The following GARNL3 variants were observed in gnomAD, a reference collection of about 807,000 sequenced individuals.
The protein encoded by GARNL3 is GTPase-activating Rap/Ran-GAP domain-like protein 3.
A neutral mutation model predicts 125.0 loss-of-function variants in GARNL3; 63 were observed. The ratio of observed to expected loss-of-function variants is 0.50; its 90% CI spans 0.41 to 0.62. The LOEUF is 0.62. Ranked by LOEUF, GARNL3 falls within the 20% of genes least tolerant of loss-of-function variation. The probability of loss-of-function intolerance (pLI) is 0.00; values close to 1 mark genes in which losing one functional copy is unlikely to be tolerated. For synonymous variants in GARNL3, 439 were observed against 457.5 expected (o/e 0.96, Z 0.52); for missense variants, 994 against 1,244.0 (o/e 0.80, Z 3.02).
At chr9:127,332,175 T>C in intron 7 of GARNL3, 99 bp from the exon 8 acceptor site, 1 of 808,930 alleles carries the variant, frequency 1.2e-6, no homozygotes, top group South Asian at 1.5e-5. Context: ...CTGTCCATCC[T>C]GGTGACTGCC....
chr9:127,296,149 G>GGTAATATAAGT (rs992877928), intron 2 of GARNL3, among the ~76,000 whole-genome samples: 13 of 152,238 alleles, frequency 8.5e-5, no homozygotes, highest in African/African-American at 3.1e-4. Context: ...GAGCTCAGGT[G>GGTAATATAAGT]GTAATATAAG....
rs7046168 is a variant in GARNL3 at position 127,364,805 on chromosome 9, C to G, written c.2095-495C>G. 1,364 of 154,240 alleles carry G rather than the reference C, an allele frequency of 8.8e-3. 9 individuals carry two copies. Among genetic ancestry groups the G allele is most frequent in the Non-Finnish European group, 0.014 (1,007 of 69,462 alleles). 9.6% of individuals were successfully genotyped at this position (154,240 alleles called of 1,614,324 possible). On this transcript the variant is annotated intron_variant, in intron 21 of 27. Transcript: ENST00000373387. This position sits in a 1 kb window ranked among gnomAD's most constrained non-coding sequence, Gnocchi z 4.2. The stretch of plus-strand genomic sequence containing the variant: ...CGAGAGCGGTAAGGTTGAAAGAGAA[C>G]CAGAACATTAGTTCAGATGTTGGCT...
chr9:127,313,248 C>A, intron 3 of GARNL3, 193 bp from the exon 4 acceptor site: 1 of 581,794 alleles, frequency 1.7e-6, no homozygotes. Flanking sequence ...ATGTTCATTC[C>A]TGAACCAGTC....
At chr9:127,228,135 C>A (rs1446121837) in intron 1 of GARNL3, among the ~76,000 whole-genome samples, 1 of 152,180 alleles carries the variant, frequency 6.6e-6, no homozygotes, top group African/African-American at 2.4e-5. Flanking sequence ...TTAAACATTT[C>A]TGAAATCTCT....
rs138952598 is a variant in GARNL3 at position 127,277,742 on chromosome 9, G to A, written c.144+12721G>A. 2.6e-3 allele frequency among the ~76,000 whole-genome samples: 401 copies of A among 151,950 alleles called. 1 individual carries two copies. The highest frequency in any genetic ancestry group is 9.2e-3 in the African/African-American group (380 of 41,432). On this transcript the variant is annotated intron_variant, in intron 1 of 27. Coordinates refer to ENST00000373387, the MANE Select transcript of GARNL3 (RefSeq NM_032293.5). ...TGAGACTTCCTTATACTTTTTCATC[G>A]TTCTAGAATGCCCTCTTGAAATATG... is the stretch of plus-strand genomic sequence containing the variant.
At chr9:127,387,027 CT>C in intron 24 of GARNL3, 165 bp from the exon 25 acceptor site, 1 of 596,582 alleles carries the variant, frequency 1.7e-6, no homozygotes, top group South Asian at 3.1e-5. Flanking sequence ...CCACGCTGGG[CT>C]TTCCTCCAGA....
In GARNL3 at chr9:127,381,963, T is replaced by C. The variant is rs116809098; in HGVS notation, c.2162-1475T>C. 3.2e-3 allele frequency among the ~76,000 whole-genome samples: 481 copies of C among 152,124 alleles called. 1 individual carries two copies. Among genetic ancestry groups the C allele is most frequent in the African/African-American group, 0.011 (458 of 41,514 alleles). On this transcript the variant is annotated intron_variant, in intron 22 of 27. Coordinates refer to ENST00000373387, the MANE Select transcript of GARNL3 (RefSeq NM_032293.5). ...AGTCATCCCTGTTGTTGTGTGTCAA[T>C]AATTAACATTCAGATGTTTAGTAAC...
intron 13 of GARNL3, among the ~76,000 whole-genome samples, chr9:127,341,076 A>G (rs1829835883): frequency 6.6e-6 from 1 of 152,080 alleles, no homozygotes; most frequent in Non-Finnish European, 1.5e-5. Context: ...TCTGCTTTCC[A>G]GCTGGGCTGC....
At chr9:127,363,609 C>G (rs978317047) in intron 21 of GARNL3, 1 of 152,612 alleles carries the variant, frequency 6.6e-6, no homozygotes, top group Non-Finnish European at 1.5e-5. Context: ...AGTGCAGGGC[C>G]AGTGGGAGGA....
chr9:127,277,635 G>T (rs1263667101), intron 1 of GARNL3, among the ~76,000 whole-genome samples: 1 of 151,736 alleles, frequency 6.6e-6, no homozygotes, highest in Non-Finnish European at 1.5e-5. Context: ...CTGCAGTCTT[G>T]CTCCAACCTA....
In GARNL3 at chr9:127,336,239, A is replaced by G; in HGVS notation, c.982+3A>G. On this transcript the variant is annotated splice_donor_region_variant and intron_variant, in intron 11 of 27. Coordinates refer to ENST00000373387, the MANE Select transcript of GARNL3 (RefSeq NM_032293.5). Reference sequence around the variant, plus strand: ...CATGATCCGCTCCCACTTTACACGTATCCTGGGCCTTTGTAAATGCTCCAG... The same window carrying G: ...CATGATCCGCTCCCACTTTACACGTGTCCTGGGCCTTTGTAAATGCTCCAG... The G allele has an allele frequency of 6.2e-7, 1 of 1,603,434 alleles. No individual in the cohort carries two copies. The highest frequency in any genetic ancestry group is 8.5e-7 in the Non-Finnish European group (1 of 1,170,692).
chr9:127,386,248 A>T (rs1325328466), intron 24 of GARNL3, among the ~76,000 whole-genome samples: 3 of 152,190 alleles, frequency 2.0e-5, no homozygotes, highest in Non-Finnish European at 2.9e-5. Flanking sequence ...ACTATTTTTC[A>T]CCCTCATACA....
intron 21 of GARNL3, among the ~76,000 whole-genome samples, chr9:127,358,340 G>A (rs558939863): frequency 7.1e-4 from 108 of 152,338 alleles, no homozygotes; most frequent in African/African-American, 2.5e-3. Flanking sequence ...AGCATGCAGT[G>A]CAAGCCAGTA....
At chr9:127,380,303 C>T (rs1233468105) in intron 22 of GARNL3, among the ~76,000 whole-genome samples, 2 of 149,346 alleles carry the variant, frequency 1.3e-5, no homozygotes, top group Non-Finnish European at 3.0e-5. Context: ...TTATGTTTTT[C>T]TTTGTTCCTC....
At chr9:127,312,097 A>C (rs2065113460) in intron 3 of GARNL3, among the ~76,000 whole-genome samples, 1 of 152,224 alleles carries the variant, frequency 6.6e-6, no homozygotes, top group Non-Finnish European at 1.5e-5. Flanking sequence ...TACTTAGTTC[A>C]AGGCAATGAG....
chr9:127,315,680 G>A (rs2065222024), intron 4 of GARNL3, among the ~76,000 whole-genome samples: 1 of 151,604 alleles, frequency 6.6e-6, no homozygotes, highest in Non-Finnish European at 1.5e-5. Context: ...AAAAAAACTA[G>A]CTAAACATAT....
intron 1 of GARNL3, among the ~76,000 whole-genome samples, chr9:127,284,551 T>C (rs1356288760): frequency 6.6e-6 from 1 of 152,006 alleles, no homozygotes; most frequent in Non-Finnish European, 1.5e-5. Flanking sequence ...TTCATTGTTC[T>C]TTTTTTATCT....
intron 20 of GARNL3, among the ~76,000 whole-genome samples, chr9:127,356,776 C>A (rs959140415): frequency 5.3e-5 from 8 of 152,318 alleles, no homozygotes; most frequent in African/African-American, 1.9e-4. Context: ...GACTTTTAAG[C>A]CTCAGTTTCC....
Position 127,354,425 on chromosome 9 carries a change from T to G in GARNL3, c.1759+15T>G, listed in dbSNP as rs888229536. On this transcript the variant is annotated intron_variant, in intron 19 of 27. Coordinates refer to ENST00000373387, the MANE Select transcript of GARNL3 (RefSeq NM_032293.5). ...GAAAACAAAAGGTGACTTGATAGAT[T>G]GGTAGATTCCATTCGATTCGTTTTT... is the stretch of plus-strand genomic sequence containing the variant. The G allele has an allele frequency of 6.8e-7, 1 of 1,461,460 alleles. No individual in the cohort carries two copies. The highest frequency in any genetic ancestry group is 1.4e-5 in the African/African-American group (1 of 70,938). 90.5% of individuals were successfully genotyped at this position (1,461,460 alleles called of 1,614,324 possible).
Sources: gnomAD v4.1 joint callset for allele counts (sites outside exome capture counted in the v4.1 genomes callset) on GRCh38, gnomAD v4.1.1 for gene constraint, Gnocchi (gnomAD v3.1) non-coding constraint, MANE v1.5 for transcripts, NCBI Gene and HGNC (gene_info 2026-07-23, HGNC 2026-07-21) for gene names.